The following AGBL1 variants were observed in gnomAD, a reference collection of about 807,000 sequenced individuals.
AGBL1 encodes AGBL carboxypeptidase 1.
AGBL1 carries 130 observed loss-of-function variants against 118.9 expected under a neutral mutation model. The ratio of observed to expected loss-of-function variants is 1.09; its 90% CI spans 0.95 to 1.26. The LOEUF (loss-of-function observed/expected upper bound fraction) is 1.26. Ranked by LOEUF, AGBL1 falls within the 50% of genes most tolerant of loss-of-function variation. The probability of loss-of-function intolerance (pLI) is 0.00; values close to 1 mark genes in which losing one functional copy is unlikely to be tolerated. For missense variants in AGBL1, 1,584 were observed against 1,298.1 expected (o/e 1.22, Z -3.38); for synonymous variants, 555 against 478.9 (o/e 1.16, Z -2.08).
chr15:86,798,089 C>T (rs910046868), intron 22 of AGBL1, among the ~76,000 whole-genome samples: 6 of 152,168 alleles, frequency 3.9e-5, no homozygotes, highest in Non-Finnish European at 5.9e-5. Context: ...AATCCTGAGG[C>T]TGTCACTGCA....
At chr15:86,851,010 G>A (rs1321743882) in intron 22 of AGBL1, among the ~76,000 whole-genome samples, 1 of 152,138 alleles carries the variant, frequency 6.6e-6, no homozygotes, top group East Asian at 1.9e-4. Context: ...CTTCTATAAT[G>A]CATTTGGAGA....
Position 86,854,689 on chromosome 15 carries a change from G to C in AGBL1, c.3159-52398G>C, listed in dbSNP as rs16978034. Among the ~76,000 whole-genome samples, 2,021 of 152,158 alleles carry C rather than the reference G, an allele frequency of 0.013. 103 individuals carry two copies. The East Asian group carries it at 0.19, about 14-fold the overall frequency. ...AGCCTTATAATTTATTCTAGCAAAGGCCATTGATAAATGTTCACTGAAATA... is the reference window on the plus strand; with the variant it reads ...AGCCTTATAATTTATTCTAGCAAAGCCCATTGATAAATGTTCACTGAAATA... On this transcript the variant is annotated intron_variant, in intron 22 of 22. Transcript: ENST00000614907.
chr15:86,801,976 A>T (rs984571459), intron 22 of AGBL1, among the ~76,000 whole-genome samples: 1 of 152,168 alleles, frequency 6.6e-6, no homozygotes, highest in African/African-American at 2.4e-5. Flanking sequence ...GGATGCTATT[A>T]TACTTGGGAA....
intron 24 of AGBL1, among the ~76,000 whole-genome samples, chr15:87,017,468 A>C (rs1244794539): frequency 6.6e-6 from 1 of 152,106 alleles, no homozygotes; most frequent in African/African-American, 2.4e-5. Context: ...GCCTTCACTG[A>C]TTGATAATAC....
chr15:86,530,402 G>C (rs994314399), intron 19 of AGBL1, among the ~76,000 whole-genome samples: 2 of 138,070 alleles, frequency 1.4e-5, no homozygotes, highest in Non-Finnish European at 3.0e-5. Context: ...TCAACAAGAG[G>C]AGCTAACTAT....
At chr15:86,604,145 T>G (rs1963948593) in intron 21 of AGBL1, among the ~76,000 whole-genome samples, 1 of 151,514 alleles carries the variant, frequency 6.6e-6, no homozygotes. Context: ...CAGCAGATAT[T>G]AAAATAGATG....
At chr15:86,403,242 A>C (rs1267404426) in intron 18 of AGBL1, among the ~76,000 whole-genome samples, 1 of 152,166 alleles carries the variant, frequency 6.6e-6, no homozygotes, top group Non-Finnish European at 1.5e-5. Flanking sequence ...AATTTTTATA[A>C]AGTCAACACA....
At chr15:86,608,786 G>C (rs2084619050) in intron 21 of AGBL1, among the ~76,000 whole-genome samples, 1 of 152,126 alleles carries the variant, frequency 6.6e-6, no homozygotes. Context: ...AAGGGAAGCT[G>C]GAAATCTGAA....
chr15:86,135,752 T>G (rs1199689240), intron 1 of AGBL1, among the ~76,000 whole-genome samples: 1 of 152,176 alleles, frequency 6.6e-6, no homozygotes, highest in African/African-American at 2.4e-5. Flanking sequence ...TGAAAATTCT[T>G]TTCTACTCCT....
intron 22 of AGBL1, among the ~76,000 whole-genome samples, chr15:86,675,647 G>C (rs1228267575): frequency 6.6e-6 from 1 of 152,072 alleles, no homozygotes; most frequent in Non-Finnish European, 1.5e-5. Context: ...TATCTTTGTG[G>C]TGTTTTCAGA....
chr15:86,319,182 G>T (rs1031387558), intron 17 of AGBL1, among the ~76,000 whole-genome samples: 6 of 152,096 alleles, frequency 3.9e-5, no homozygotes, highest in African/African-American at 1.4e-4. Context: ...TCCTAACCGA[G>T]TATATACTTA....
In AGBL1 at chr15:86,636,702, CATATATAT is replaced by C. The variant is rs1157674222; in HGVS notation, c.2995-37521_2995-37514del. Among the ~76,000 whole-genome samples the C allele has an allele frequency of 4.4e-3, 118 of 26,758 alleles. 1 individual carries two copies. Among genetic ancestry groups the C allele is most frequent in the Non-Finnish European group, 6.9e-3 (80 of 11,670 alleles). 17.6% of individuals were successfully genotyped at this position (26,758 alleles called of 152,430 possible). A position where few individuals can be genotyped will look rare whatever the true frequency, so the allele number is the denominator to read the frequency against. On this transcript the variant is annotated intron_variant, in intron 21 of 22. Transcript: ENST00000614907. ...TACAGCTTTGCATGGAACCACCAGTCATATATATATATATATATATATATATATATATA... is the reference window on the plus strand; with the variant it reads ...TACAGCTTTGCATGGAACCACCAGTCATATATATATATATATATATATATA...
At chr15:86,950,985 A>C (rs1007600229) in intron 23 of AGBL1, among the ~76,000 whole-genome samples, 4 of 152,222 alleles carry the variant, frequency 2.6e-5, no homozygotes, top group African/African-American at 9.6e-5. Context: ...GAATTTAAGA[A>C]GGCACTTACT....
chr15:86,166,133 A>G (rs1355639752), intron 5 of AGBL1, among the ~76,000 whole-genome samples: 1 of 152,184 alleles, frequency 6.6e-6, no homozygotes, highest in Non-Finnish European at 1.5e-5. Flanking sequence ...CAAGCCTTCT[A>G]CCCTAACTTC....
intron 21 of AGBL1, among the ~76,000 whole-genome samples, chr15:86,641,717 A>T (rs1022567018): frequency 6.6e-6 from 1 of 152,126 alleles, no homozygotes; most frequent in African/African-American, 2.4e-5. Context: ...AAGAGTTTGA[A>T]ACTAGCTTGG....
At chr15:86,148,816 A>G (rs1174999006) in intron 3 of AGBL1, among the ~76,000 whole-genome samples, 1 of 152,168 alleles carries the variant, frequency 6.6e-6, no homozygotes, top group Non-Finnish European at 1.5e-5. Flanking sequence ...ACCCCAAGAC[A>G]CATAATTGTC....
intron 19 of AGBL1, among the ~76,000 whole-genome samples, chr15:86,525,564 C>A (rs774442176): frequency 6.6e-6 from 1 of 152,052 alleles, no homozygotes; most frequent in Non-Finnish European, 1.5e-5. Flanking sequence ...GAATAGAGAA[C>A]CCAGAGATAA....
chr15:86,751,373 T>C (rs1485996772), intron 22 of AGBL1, among the ~76,000 whole-genome samples: 1 of 152,032 alleles, frequency 6.6e-6, no homozygotes, highest in Non-Finnish European at 1.5e-5. Context: ...TATACAAAAT[T>C]AACTCAAGAC....
At chr15:86,741,035 A>G (rs998142773) in intron 22 of AGBL1, among the ~76,000 whole-genome samples, 7 of 151,942 alleles carry the variant, frequency 4.6e-5, no homozygotes, top group Admixed American at 2.6e-4. Flanking sequence ...CTGGGAGCAC[A>G]CTCAAATGGC....
Sources: allele counts gnomAD v4.1 joint callset (sites outside exome capture counted in the v4.1 genomes callset), GRCh38; gene constraint gnomAD v4.1.1; transcripts MANE v1.5; gene names NCBI Gene and HGNC (gene_info 2026-07-23, HGNC 2026-07-21).